ADNP: variants seen among roughly 807,000 people sequenced by gnomAD.
ADNP encodes activity dependent neuroprotector homeobox.
In ADNP, 4 loss-of-function variants were observed where a neutral mutation model predicts 84.9. The ratio of observed to expected loss-of-function variants is 0.05; its 90% CI spans 0.02 to 0.11. The LOEUF is 0.11. Among genes scored for constraint, ADNP ranks in the 10% least tolerant of loss-of-function variants. The probability of loss-of-function intolerance (pLI) is 1.00; values close to 1 mark genes in which losing one functional copy is unlikely to be tolerated. For missense variants in ADNP, 1,132 were observed against 1,326.0 expected (o/e 0.85, Z 2.27); for synonymous variants, 554 against 468.1 (o/e 1.18, Z -2.37).
At chr20:50,927,284 G>C (rs1056653442) in intron 2 of ADNP, among the ~76,000 whole-genome samples, 4 of 151,912 alleles carry the variant, frequency 2.6e-5, no homozygotes. Context: ...AAGGGCCAAG[G>C]GTCATTAAGA....
Position 50,892,437 on chromosome 20 carries a change from A to G in ADNP, c.2277T>C (p.His759=), listed in dbSNP as rs757973703. ...PVVLALDPKG[H]EDDSYEARKS... ...TCCTGGCTTCATAGGAATCATCTTC[A>G]TGACCCTTGGGGTCTAAAGCTAAAA... The change falls in exon 6 of 6, where the codon CAT becomes CAC. Residue 759 remains histidine (H), a synonymous_variant. Transcript: ENST00000621696. 1.2e-6 allele frequency: 2 copies of G among 1,614,184 alleles called. No homozygotes were observed. Among genetic ancestry groups the G allele is most frequent in the Non-Finnish European group, 1.7e-6 (2 of 1,180,038 alleles).
In ADNP at chr20:50,931,174, G is replaced by C. The variant is rs1195099314; in HGVS notation, c.-613C>G. On this transcript the variant is annotated 5_prime_UTR_variant, in exon 1 of 6. Coordinates refer to ENST00000621696, the MANE Select transcript of ADNP (RefSeq NM_001282531.3). ...TCAGCAGCGGGGACCGAGAGAGGGA[G>C]CTGTGTCTGAGAAGACGCCAAAATC... is the stretch of plus-strand genomic sequence containing the variant. 2 of 150,984 alleles carry C rather than the reference G, an allele frequency of 1.3e-5. No homozygotes were observed. The highest frequency in any genetic ancestry group is 3.0e-5 in the Non-Finnish European group (2 of 67,346). 9.4% of individuals were successfully genotyped at this position (150,984 alleles called of 1,614,324 possible).
At chr20:50,925,222 C>T (rs1984206226) in intron 2 of ADNP, among the ~76,000 whole-genome samples, 1 of 151,720 alleles carries the variant, frequency 6.6e-6, no homozygotes, top group East Asian at 1.9e-4. Flanking sequence ...TCAAAACTGT[C>T]ACTTTCCACA....
intron 2 of ADNP, among the ~76,000 whole-genome samples, chr20:50,917,624 C>T (rs1232272950): frequency 6.6e-6 from 1 of 151,980 alleles, no homozygotes; most frequent in African/African-American, 2.4e-5. Flanking sequence ...TCCTTTTTTT[C>T]AAAGGAGGGA....
At chr20:50,912,096 G>C (rs1454550484) in intron 2 of ADNP, among the ~76,000 whole-genome samples, 1 of 152,150 alleles carries the variant, frequency 6.6e-6, no homozygotes, top group Non-Finnish European at 1.5e-5. Flanking sequence ...GCTACACAAG[G>C]ATCCTTACTT....
chr20:50,928,688 G>A lies in ADNP; in HGVS notation c.-127C>T, dbSNP rs909172608. 2.0e-5 allele frequency: 3 copies of A among 152,226 alleles called. No homozygotes were observed. The highest frequency in any genetic ancestry group is 7.2e-5 in the African/African-American group (3 of 41,432). The allele number at this position is 152,226 out of a possible 1,614,324, so 9.4% of individuals were successfully genotyped here. ...ACAATGTGGTCCAAAGAGCAAGGCAGGAAACGGAGTCCAGATCCTCAAAAT... is the reference window on the plus strand; with the variant it reads ...ACAATGTGGTCCAAAGAGCAAGGCAAGAAACGGAGTCCAGATCCTCAAAAT... On this transcript the variant is annotated 5_prime_UTR_variant, in exon 2 of 6. Transcript: ENST00000621696.
At chr20:50,919,287 AAGTG>A (rs66736760) in intron 2 of ADNP, among the ~76,000 whole-genome samples, 28,239 of 127,736 alleles carry the variant, frequency 0.22, 3,589 homozygotes, top group Non-Finnish European at 0.27. Flanking sequence ...ACATATATTT[AAGTG>A]TATATATATA....
At position 50,893,621 on chromosome 20, in the gene ADNP, A is replaced by T. The variant is rs780483051; in HGVS notation, c.1093T>A (p.Ser365Thr). The T allele has an allele frequency of 6.2e-7, 1 of 1,614,128 alleles. No individual in the cohort carries two copies. Among genetic ancestry groups the T allele is most frequent in the East Asian group, 2.2e-5 (1 of 44,880 alleles). Residue 365 changes from serine (S) to threonine (T), a missense_variant, in exon 6 of 6, where the codon TCT becomes ACT. Coordinates refer to ENST00000621696, the MANE Select transcript of ADNP (RefSeq NM_001282531.3). The surrounding 1 kb of genome is among the most constrained non-coding windows in gnomAD (Gnocchi z 4.4). ...CCACTTGGAAGTAACTGCTTTACAG[A>T]CTGAGATTGTTGAGGAATGGAAACT... The part of the protein sequence containing the change: ...APVSIPQQSQ[S>T]VKQLLPSGNG...
Position 50,894,000 on chromosome 20 carries a change from C to T in ADNP, c.714G>A (p.Gln238=). ...FMPKSYEALV[Q]HVIEDHERIG... ...TACGTTCATGGTCTTCGATGACATGCTGTACCAAAGCTTCATAGGACTTTG... is the reference window on the plus strand; with the variant it reads ...TACGTTCATGGTCTTCGATGACATGTTGTACCAAAGCTTCATAGGACTTTG... Residue 238 remains glutamine (Q), a synonymous_variant, in exon 6 of 6, where the codon CAG becomes CAA. Coordinates refer to ENST00000621696, the MANE Select transcript of ADNP (RefSeq NM_001282531.3). This position sits in a 1 kb window ranked among gnomAD's most constrained non-coding sequence, Gnocchi z 4.4. The T allele has an allele frequency of 6.2e-7, 1 of 1,614,196 alleles. No homozygotes were observed. The highest frequency in any genetic ancestry group is 8.5e-7 in the Non-Finnish European group (1 of 1,180,036).
intron 2 of ADNP, among the ~76,000 whole-genome samples, chr20:50,928,215 T>C (rs1984414071): frequency 6.6e-6 from 1 of 152,220 alleles, no homozygotes; most frequent in Non-Finnish European, 1.5e-5. Flanking sequence ...TAAACTTATC[T>C]TGGTGTATTT....
Position 50,891,552 on chromosome 20 carries a change from A to G in ADNP, c.3162T>C (p.Asp1054=), listed in dbSNP as rs1407181914. 6.2e-7 allele frequency: 1 copy of G among 1,612,152 alleles called. No homozygotes were observed. Among genetic ancestry groups the G allele is most frequent in the African/African-American group, 1.3e-5 (1 of 74,952 alleles). The change falls in exon 6 of 6, where the codon GAT becomes GAC. Residue 1054 remains aspartate, a synonymous_variant. Coordinates refer to ENST00000621696, the MANE Select transcript of ADNP (RefSeq NM_001282531.3). ...QSQWKNASEN[D]ERLSNPQIEW... is the part of the protein sequence containing the mutation. ...CAATCTGGGGGTTAGATAAGCGCTC[A>G]TCATTCTCAGATGCATTCTTCCACT...
In ADNP at chr20:50,891,443, T is replaced by G; in HGVS notation, c.3271A>C (p.Ser1091Arg). Residue 1091 changes from serine to arginine, a missense_variant, in exon 6 of 6, where the codon AGC (serine) becomes CGC (arginine). By Grantham distance (110) the Ser-to-Arg change is moderately radical (BLOSUM62 -1). This residue lies in a region of ADNP where 381 missense variants were observed against 319.9 expected (regional missense o/e 1.19). Transcript: ENST00000621696. ...CTGCTCAGTTTAACTCCGGCTAAGCTGCCATGCATGGGCTCAGCTACTCCA... is the reference window on the plus strand; with the variant it reads ...CTGCTCAGTTTAACTCCGGCTAAGCGGCCATGCATGGGCTCAGCTACTCCA... ...TDGVAEPMHG[S>R]LAGVKLSSQQ... 6.2e-7 allele frequency: 1 copy of G among 1,612,212 alleles called. No homozygotes were observed. Among genetic ancestry groups the G allele is most frequent in the Non-Finnish European group, 8.5e-7 (1 of 1,179,698 alleles).
Position 50,910,664 on chromosome 20 carries a change from T to C in ADNP, c.-89-5815A>G, listed in dbSNP as rs143380230. ...CTACATGTAAACATTCAATTATTAT[T>C]ATTTTTGAGAAAGGGTCTCACTCTG... On this transcript the variant is annotated intron_variant, in intron 2 of 5. Coordinates refer to ENST00000621696, the MANE Select transcript of ADNP (RefSeq NM_001282531.3). Among the ~76,000 whole-genome samples the C allele has an allele frequency of 4.5e-3, 680 of 152,126 alleles. 2 individuals carry two copies. The highest frequency in any genetic ancestry group is 0.024 in the Middle Eastern group (7 of 294).
intron 3 of ADNP, chr20:50,904,251 T>C (rs976107333): frequency 1.1e-5 from 5 of 444,318 alleles, no homozygotes; most frequent in Non-Finnish European, 2.1e-5. Context: ...TGGAGTGCAG[T>C]GCACTCATGG....
At chr20:50,899,448 C>A (rs561775668) in intron 5 of ADNP, among the ~76,000 whole-genome samples, 4 of 152,184 alleles carry the variant, frequency 2.6e-5, no homozygotes, top group African/African-American at 9.6e-5. Context: ...TGACCTCAGG[C>A]GATCCACCTG....
chr20:50,896,816 G>A (rs1981444235), intron 5 of ADNP, among the ~76,000 whole-genome samples: 1 of 152,164 alleles, frequency 6.6e-6, no homozygotes, highest in African/African-American at 2.4e-5. Context: ...CACTTACCAA[G>A]AATAAGCCCA....
chr20:50,894,956 AACTC>A (rs776805875), intron 5 of ADNP, among the ~76,000 whole-genome samples: 1 of 152,254 alleles, frequency 6.6e-6, no homozygotes, highest in East Asian at 1.9e-4. Context: ...ATAAAATAGA[AACTC>A]AAAAAAAAAG....
chr20:50,910,827 T>A lies in ADNP; in HGVS notation c.-89-5978A>T, dbSNP rs181815096. On this transcript the variant is annotated intron_variant, in intron 2 of 5. Coordinates refer to ENST00000621696, the MANE Select transcript of ADNP (RefSeq NM_001282531.3). ...GCGCCACCACATTCAGCTAATTTTT[T>A]AAAAAAATTTAATAGGGGTCCTCCC... Among the ~76,000 whole-genome samples, 1,350 of 152,082 alleles carry A rather than the reference T, an allele frequency of 8.9e-3. 10 individuals carry two copies. The highest frequency in any genetic ancestry group is 0.012 in the Non-Finnish European group (843 of 67,994).
At chr20:50,901,102 G>A (rs1349143460) in intron 5 of ADNP, among the ~76,000 whole-genome samples, 3 of 152,150 alleles carry the variant, frequency 2.0e-5, no homozygotes, top group Non-Finnish European at 2.9e-5. Context: ...GAACTGACAT[G>A]CTTGGTAAGA....
Sources: allele counts gnomAD v4.1 joint callset (sites outside exome capture counted in the v4.1 genomes callset), GRCh38; gene constraint gnomAD v4.1.1; regional missense constraint gnomAD v4.1.1; non-coding constraint Gnocchi (gnomAD v3.1); transcripts MANE v1.5; gene names NCBI Gene and HGNC (gene_info 2026-07-23, HGNC 2026-07-21).